TENM2: variants seen among roughly 807,000 people sequenced by gnomAD.
TENM2 encodes the protein teneurin-2.
A neutral mutation model predicts 245.2 loss-of-function variants in TENM2; 52 were observed. The ratio of observed to expected loss-of-function variants is 0.21; its 90% CI spans 0.17 to 0.27. The LOEUF is 0.27. TENM2 is among the 10% of genes least tolerant of loss of function. The pLI is 1.00. For missense variants in TENM2, 3,046 were observed against 3,666.8 expected (o/e 0.83, Z 4.37); for synonymous variants, 1,363 against 1,438.9 (o/e 0.95, Z 1.19).
chr5:167,579,483 C>T (rs546366591), intron 2 of TENM2, among the ~76,000 whole-genome samples: 2 of 152,276 alleles, frequency 1.3e-5, no homozygotes, highest in Admixed American at 1.3e-4. Flanking sequence ...TGATGCAGTT[C>T]CAAAGTTGCA....
chr5:167,465,810 G>A (rs1561979416), intron 2 of TENM2, among the ~76,000 whole-genome samples: 1 of 149,806 alleles, frequency 6.7e-6, no homozygotes, highest in African/African-American at 2.5e-5. Context: ...TGGCCTGGGT[G>A]ACAGAGTGAG....
intron 8 of TENM2, among the ~76,000 whole-genome samples, chr5:168,094,301 A>G (rs761102653): frequency 4.6e-5 from 7 of 151,562 alleles, no homozygotes; most frequent in Non-Finnish European, 1.0e-4. Context: ...GGCCTTTTCC[A>G]TGGGACTGTG....
chr5:167,508,975 C>A (rs1032141245), intron 2 of TENM2, among the ~76,000 whole-genome samples: 1 of 152,084 alleles, frequency 6.6e-6, no homozygotes, highest in South Asian at 2.1e-4. Flanking sequence ...TGTGCCACCA[C>A]GCCCGGCTAA....
intron 2 of TENM2, among the ~76,000 whole-genome samples, chr5:167,466,360 G>C (rs569825116): frequency 7.2e-5 from 11 of 152,308 alleles, no homozygotes; most frequent in African/African-American, 2.6e-4. Context: ...AGAGACACAT[G>C]TCATACCTAT....
chr5:168,121,230 C>A (rs540084690), intron 10 of TENM2, among the ~76,000 whole-genome samples: 1 of 152,290 alleles, frequency 6.6e-6, no homozygotes. Flanking sequence ...TGCCAGGGGG[C>A]TGATGTTTCG....
chr5:168,013,180 T>C (rs2152080569), intron 5 of TENM2, among the ~76,000 whole-genome samples: 1 of 152,310 alleles, frequency 6.6e-6, no homozygotes, highest in African/African-American at 2.4e-5. Context: ...GTTATATGTC[T>C]ATCCCTTGTT....
At chr5:168,067,167 G>A (rs570355153) in intron 7 of TENM2, among the ~76,000 whole-genome samples, 171 of 152,268 alleles carry the variant, frequency 1.1e-3, no homozygotes, top group African/African-American at 4.0e-3. Context: ...CACTCAGACC[G>A]ATGGAGCCAG....
chr5:167,295,879 C>G (rs1278369947), intron 1 of TENM2, among the ~76,000 whole-genome samples: 2 of 152,130 alleles, frequency 1.3e-5, no homozygotes, highest in African/African-American at 4.8e-5. Context: ...CAAGTCAGAT[C>G]TACTTTAGTA....
In TENM2 at chr5:168,194,339, A is replaced by T. The variant is rs150199314; in HGVS notation, c.2781-837A>T. The stretch of plus-strand genomic sequence containing the variant: ...TGGACTTTGAGCACAATATTGTAGC[A>T]TCTCTCTGGCTTTATAGGACTTTCC... On this transcript the variant is annotated intron_variant, in intron 14 of 28. Transcript: ENST00000518659. 5.8e-3 allele frequency among the ~76,000 whole-genome samples: 880 copies of T among 152,276 alleles called. 6 individuals carry two copies. Among genetic ancestry groups the T allele is most frequent in the Non-Finnish European group, 9.3e-3 (630 of 68,014 alleles).
chr5:167,177,631 T>A, the TENM2 span, among the ~76,000 whole-genome samples: 2 of 152,160 alleles, frequency 1.3e-5, no homozygotes, highest in African/African-American at 4.8e-5. Context: ...CAGAGAAAGT[T>A]CAATTCGAAT....
chr5:167,237,228 G>A, the TENM2 span, among the ~76,000 whole-genome samples: 11 of 152,306 alleles, frequency 7.2e-5, no homozygotes, highest in Admixed American at 5.9e-4. Context: ...TTATCCAAGT[G>A]CCTGACACAT....
intron 2 of TENM2, among the ~76,000 whole-genome samples, chr5:167,520,433 C>A (rs1171630428): frequency 1.3e-5 from 2 of 152,094 alleles, no homozygotes; most frequent in Non-Finnish European, 2.9e-5. Context: ...CTTCCTCTTG[C>A]TTGCCAGAAA....
At chr5:167,753,448 A>G (rs918475774) in intron 2 of TENM2, among the ~76,000 whole-genome samples, 2 of 152,222 alleles carry the variant, frequency 1.3e-5, no homozygotes, top group African/African-American at 4.8e-5. Context: ...AGCCAAGAAT[A>G]GGATGGGATC....
chr5:167,590,368 C>T (rs1428132907), intron 2 of TENM2, among the ~76,000 whole-genome samples: 1 of 151,734 alleles, frequency 6.6e-6, no homozygotes, highest in African/African-American at 2.4e-5. Context: ...ATATTTTCTC[C>T]TAGCAATTAA....
chr5:168,112,702 G>T (rs1324570856), intron 9 of TENM2, among the ~76,000 whole-genome samples: 1 of 151,418 alleles, frequency 6.6e-6, no homozygotes, highest in African/African-American at 2.4e-5. Context: ...ACACTGGTTT[G>T]CTCAGCACCA....
chr5:167,325,947 G>A (rs1581748995), intron 1 of TENM2, among the ~76,000 whole-genome samples: 1 of 152,198 alleles, frequency 6.6e-6, no homozygotes, highest in Non-Finnish European at 1.5e-5. Context: ...CATAGAGAGA[G>A]TAACTTTGGA....
chr5:167,720,926 T>C (rs538783249), intron 2 of TENM2, among the ~76,000 whole-genome samples: 2 of 152,290 alleles, frequency 1.3e-5, no homozygotes, highest in South Asian at 4.1e-4. Context: ...GAAGACGAAG[T>C]TGGGTGGGTG....
exon 18 of TENM2, chr5:168,203,766 G>A (rs1201187363): frequency 6.2e-7 from 1 of 1,613,468 alleles, no homozygotes; most frequent in Non-Finnish European, 8.5e-7. Context: ...TCAGGGATTC[G>A]AGCTGGACCC....
intron 1 of TENM2, among the ~76,000 whole-genome samples, chr5:167,291,448 C>G (rs7730469): frequency 2.6e-5 from 4 of 152,152 alleles, no homozygotes; most frequent in Admixed American, 6.5e-5. Flanking sequence ...TTCTTTGGAG[C>G]GATCTCTTTG....
Sources: allele counts gnomAD v4.1 joint callset (sites outside exome capture counted in the v4.1 genomes callset), GRCh38; gene constraint gnomAD v4.1.1; transcripts MANE v1.5; gene names NCBI Gene and HGNC (gene_info 2026-07-23, HGNC 2026-07-21).